Variants in MAPK10 observed in about 807,000 individuals in gnomAD.
The protein encoded by MAPK10 is JNK3 alpha protein kinase.
Under a neutral mutation model 59.3 loss-of-function variants are expected in MAPK10, and 25 were observed. The ratio of observed to expected loss-of-function variants is 0.42; its 90% CI spans 0.31 to 0.59. MAPK10 has a LOEUF of 0.59. Among genes scored for constraint, MAPK10 ranks in the 20% least tolerant of loss-of-function variants. The pLI, the probability that MAPK10 is intolerant of heterozygous loss-of-function variation, is 0.15. For missense variants in MAPK10, 351 were observed against 568.9 expected, an observed-to-expected ratio of 0.62 and a Z score of 3.90; for synonymous variants, 190 against 200.5, an observed-to-expected ratio of 0.95 and a Z score of 0.44.
intron 1 of MAPK10, among the ~76,000 whole-genome samples, chr4:86,519,072 G>A (rs116174722): frequency 0.047 from 7,123 of 152,172 alleles, 218 homozygotes; most frequent in African/African-American, 0.059. Flanking sequence ...GTGCTGAAGA[G>A]AAGAATGTAT....
intron 1 of MAPK10, among the ~76,000 whole-genome samples, chr4:86,419,717 C>G (rs879374983): frequency 6.6e-6 from 1 of 152,102 alleles, no homozygotes; most frequent in Non-Finnish European, 1.5e-5. Context: ...CATAAAGTTT[C>G]AAATCACCTC....
chr4:86,487,377 GTGTGTGT>G (rs1331031851), intron 1 of MAPK10, among the ~76,000 whole-genome samples: 1 of 150,942 alleles, frequency 6.6e-6, no homozygotes, highest in Non-Finnish European at 1.5e-5. Context: ...GTGTGTGTGT[GTGTGTGT>G]AGAGAGAGAA....
chr4:86,182,138 A>C (rs2077054497), intron 3 of MAPK10, among the ~76,000 whole-genome samples: 1 of 152,078 alleles, frequency 6.6e-6, no homozygotes, highest in Non-Finnish European at 1.5e-5. Context: ...CAACATTACA[A>C]AGAAAAATTT....
At chr4:86,217,973 T>A (rs973243080) in intron 2 of MAPK10, among the ~76,000 whole-genome samples, 46 of 152,128 alleles carry the variant, frequency 3.0e-4, no homozygotes, top group African/African-American at 1.1e-3. Flanking sequence ...GAATTATTTA[T>A]ATGTATAGTC....
At chr4:86,164,317 C>T (rs186093908) in intron 3 of MAPK10, 4 of 151,966 alleles carry the variant, frequency 2.6e-5, no homozygotes, top group Non-Finnish European at 5.9e-5. Flanking sequence ...TCAAATAAAG[C>T]AAGCTAGGAG....
chr4:86,177,731 G>A (rs1317261568), intron 3 of MAPK10, among the ~76,000 whole-genome samples: 2 of 151,834 alleles, frequency 1.3e-5, no homozygotes, highest in African/African-American at 4.8e-5. Context: ...GCTCTTAAAG[G>A]TTACTGCACC....
intron 3 of MAPK10, among the ~76,000 whole-genome samples, chr4:86,175,178 A>G (rs1157671646): frequency 6.6e-6 from 1 of 152,186 alleles, no homozygotes; most frequent in Non-Finnish European, 1.5e-5. Context: ...TTAATATTTC[A>G]TAATAAGGAA....
intron 1 of MAPK10, among the ~76,000 whole-genome samples, chr4:86,532,571 C>G (rs1284644325): frequency 6.6e-6 from 1 of 152,178 alleles, no homozygotes; most frequent in East Asian, 1.9e-4. Flanking sequence ...CCAGTCCTCT[C>G]TTCCTATCCA....
intron 11 of MAPK10, among the ~76,000 whole-genome samples, 183 bp downstream of exon 11, chr4:86,064,083 G>GA (rs894104124): frequency 7.9e-5 from 12 of 152,130 alleles, no homozygotes; most frequent in African/African-American, 2.7e-4. Flanking sequence ...AGTAAGTCCT[G>GA]AAAAAAATGT....
At chr4:86,065,308 C>T (rs2046521206) in intron 10 of MAPK10, 1 of 152,098 alleles carries the variant, frequency 6.6e-6, no homozygotes. Flanking sequence ...CTGTAATCAT[C>T]AGGTATTTTT....
intron 2 of MAPK10, among the ~76,000 whole-genome samples, chr4:86,279,614 A>T (rs1046992097): frequency 6.6e-6 from 1 of 152,184 alleles, no homozygotes; most frequent in African/African-American, 2.4e-5. Flanking sequence ...ACTGTCTTTT[A>T]CTTCAGAAAC....
At chr4:86,380,449 C>T (rs572312276) in intron 1 of MAPK10, among the ~76,000 whole-genome samples, 36 of 152,228 alleles carry the variant, frequency 2.4e-4, no homozygotes, top group African/African-American at 7.5e-4. Context: ...CAAGCCTTAA[C>T]ACAGTGAATA....
intron 2 of MAPK10, among the ~76,000 whole-genome samples, chr4:86,319,855 G>C (rs1191007884): frequency 2.6e-5 from 4 of 152,174 alleles, no homozygotes; most frequent in Non-Finnish European, 5.9e-5. Flanking sequence ...AGGAAGTCTT[G>C]ATCAATCAAG....
chr4:86,343,175 A>AC (rs960663972), intron 2 of MAPK10, among the ~76,000 whole-genome samples: 1 of 151,990 alleles, frequency 6.6e-6, no homozygotes. Context: ...TCGCATTTCC[A>AC]CCCCAGTGCT....
Position 86,216,295 on chromosome 4 carries a change from CATAT to C in MAPK10, c.-6-21892_-6-21889del, listed in dbSNP as rs10639041. Reference sequence around the variant, plus strand: ...ATAGCACACACACATATATATATAGCATATATATATATATATATATATAGCCACA... The same window carrying C: ...ATAGCACACACACATATATATATAGCATATATATATATATATATAGCCACA... On this transcript the variant is annotated intron_variant, in intron 2 of 13. Transcript: ENST00000641462. Among the ~76,000 whole-genome samples, 596 of 131,096 alleles carry C rather than the reference CATAT, an allele frequency of 4.5e-3. 6 individuals carry two copies. In the East Asian group the frequency reaches 0.059, roughly 13 times the overall value. 86.0% of individuals were successfully genotyped at this position (131,096 alleles called of 152,430 possible).
At chr4:86,388,853 T>C (rs572648973) in intron 1 of MAPK10, among the ~76,000 whole-genome samples, 2 of 152,306 alleles carry the variant, frequency 1.3e-5, no homozygotes, top group Middle Eastern at 3.4e-3. Flanking sequence ...TATTTCTAGC[T>C]CAAAGAACAC....
At chr4:86,533,984 G>C (rs1009051721) in intron 1 of MAPK10, among the ~76,000 whole-genome samples, 1 of 152,042 alleles carries the variant, frequency 6.6e-6, no homozygotes, top group Admixed American at 6.6e-5. Context: ...TGAGCCCCTG[G>C]TGCCTCTAAA....
At chr4:86,279,742 T>C (rs1450279432) in intron 2 of MAPK10, among the ~76,000 whole-genome samples, 3 of 152,112 alleles carry the variant, frequency 2.0e-5, no homozygotes, top group African/African-American at 7.2e-5. Context: ...GAAAGGATAA[T>C]GAGTGAAGGG....
chr4:86,302,810 A>T (rs2095494649), intron 2 of MAPK10, among the ~76,000 whole-genome samples: 1 of 152,218 alleles, frequency 6.6e-6, no homozygotes, highest in Non-Finnish European at 1.5e-5. Flanking sequence ...GAAAGTACAT[A>T]AATAAAATAA....
Sources: allele counts gnomAD v4.1 joint callset (sites outside exome capture counted in the v4.1 genomes callset), GRCh38; gene constraint gnomAD v4.1.1; transcripts MANE v1.5; gene names NCBI Gene and HGNC (gene_info 2026-07-23, HGNC 2026-07-21).